The following LHFPL6 variants were observed in gnomAD, a reference collection of about 807,000 sequenced individuals.
LHFPL6 encodes LHFPL tetraspan subfamily member 6, also known as LHFPL tetraspan subfamily member 6 protein.
In LHFPL6, 9 loss-of-function variants were observed where a neutral mutation model predicts 20.6. That is an observed-to-expected ratio of 0.44 (90% CI 0.26 to 0.76). The LOEUF (loss-of-function observed/expected upper bound fraction) is 0.76. Ranked by LOEUF, LHFPL6 falls within the 30% of genes least tolerant of loss-of-function variation. LHFPL6 has a pLI of 0.20. For missense variants in LHFPL6, 218 were observed against 253.5 expected (o/e 0.86, Z 0.95); for synonymous variants, 105 against 98.7 (o/e 1.06, Z -0.38).
chr13:39,494,078 C>T lies in LHFPL6; in HGVS notation c.385+106754G>A, dbSNP rs115199488. The stretch of plus-strand genomic sequence containing the variant: ...ATTACATTTCCATGTCAGTCTCAGG[C>T]CTCATGTAGGGGAATCTGCCAAGGG... On this transcript the variant is annotated intron_variant, in intron 2 of 3. Coordinates refer to ENST00000379589, the MANE Select transcript of LHFPL6 (RefSeq NM_005780.3). Among the ~76,000 whole-genome samples, 576 of 152,290 alleles carry T rather than the reference C, an allele frequency of 3.8e-3. 3 individuals carry two copies. The highest frequency in any genetic ancestry group is 0.013 in the African/African-American group (522 of 41,566).
At chr13:39,410,521 A>G (rs181901473) in intron 2 of LHFPL6, among the ~76,000 whole-genome samples, 31 of 152,312 alleles carry the variant, frequency 2.0e-4, no homozygotes, top group African/African-American at 7.5e-4. Flanking sequence ...TTCAAATATC[A>G]TTTCAGAGAA....
intron 2 of LHFPL6, among the ~76,000 whole-genome samples, chr13:39,410,434 A>C (rs1871219092): frequency 6.6e-6 from 1 of 152,188 alleles, no homozygotes; most frequent in South Asian, 2.1e-4. Context: ...TCCCCATGGA[A>C]CACCACCACT....
chr13:39,575,888 C>T (rs994396999), intron 2 of LHFPL6, among the ~76,000 whole-genome samples: 4 of 152,280 alleles, frequency 2.6e-5, no homozygotes, highest in East Asian at 1.9e-4. Context: ...TGTGCTGACA[C>T]GTCTGATTAG....
chr13:39,362,878 G>A (rs944719181), intron 3 of LHFPL6, among the ~76,000 whole-genome samples: 2 of 152,242 alleles, frequency 1.3e-5, no homozygotes, highest in Non-Finnish European at 2.9e-5. Context: ...GAATAAGTGT[G>A]CAGGACCTGT....
chr13:39,375,390 T>C (rs959772706), intron 3 of LHFPL6, among the ~76,000 whole-genome samples: 4 of 152,116 alleles, frequency 2.6e-5, no homozygotes, highest in African/African-American at 4.8e-5. Context: ...GTAGAAAGCA[T>C]AGAGAGTGAA....
At chr13:39,575,328 G>C (rs1023596854) in intron 2 of LHFPL6, among the ~76,000 whole-genome samples, 3 of 152,090 alleles carry the variant, frequency 2.0e-5, no homozygotes, top group Non-Finnish European at 4.4e-5. Context: ...ACCCTTACTT[G>C]TATTTCAGAC....
intron 3 of LHFPL6, among the ~76,000 whole-genome samples, chr13:39,346,208 G>A (rs979062569): frequency 6.6e-6 from 1 of 152,086 alleles, no homozygotes; most frequent in African/African-American, 2.4e-5. Flanking sequence ...TTATTGGCTT[G>A]TGGTCACCAT....
intron 2 of LHFPL6, among the ~76,000 whole-genome samples, chr13:39,589,428 A>G (rs1872542035): frequency 6.6e-6 from 1 of 152,124 alleles, no homozygotes; most frequent in Non-Finnish European, 1.5e-5. Flanking sequence ...AAAATTTTTT[A>G]AAAACTAGAT....
At chr13:39,446,606 T>G (rs77896227) in intron 2 of LHFPL6, among the ~76,000 whole-genome samples, 2,770 of 152,134 alleles carry the variant, frequency 0.018, 77 homozygotes, top group African/African-American at 0.062. Context: ...AGGATCTCGG[T>G]GATCCTCATA....
intron 2 of LHFPL6, among the ~76,000 whole-genome samples, chr13:39,519,410 T>C (rs1870033864): frequency 6.6e-6 from 1 of 152,160 alleles, no homozygotes; most frequent in Non-Finnish European, 1.5e-5. Context: ...CTTCCTCAAA[T>C]AATGCTGATG....
intron 2 of LHFPL6, among the ~76,000 whole-genome samples, chr13:39,423,735 G>A (rs1871556257): frequency 6.6e-6 from 1 of 152,202 alleles, no homozygotes; most frequent in Non-Finnish European, 1.5e-5. Context: ...AGTCAAGCAT[G>A]AGAAAGGAAA....
At chr13:39,491,787 A>C (rs146559777) in intron 2 of LHFPL6, among the ~76,000 whole-genome samples, 5 of 152,320 alleles carry the variant, frequency 3.3e-5, no homozygotes, top group South Asian at 2.1e-4. Context: ...AGAGAAAGTA[A>C]ATTTTTAATT....
chr13:39,363,058 A>T (rs1323276213), intron 3 of LHFPL6, among the ~76,000 whole-genome samples: 2 of 152,342 alleles, frequency 1.3e-5, no homozygotes, highest in East Asian at 3.9e-4. Flanking sequence ...TCCCACTGAA[A>T]AAAGGGGTTT....
At chr13:39,595,355 C>T (rs1418943565) in intron 2 of LHFPL6, among the ~76,000 whole-genome samples, 1 of 152,130 alleles carries the variant, frequency 6.6e-6, no homozygotes. Flanking sequence ...TGCAGTGGCA[C>T]AATCTCGGCT....
intron 2 of LHFPL6, among the ~76,000 whole-genome samples, chr13:39,470,519 C>A (rs538866485): frequency 1.3e-5 from 2 of 152,010 alleles, no homozygotes; most frequent in Non-Finnish European, 2.9e-5. Context: ...AAGATGATTT[C>A]TTTTATATGA....
At chr13:39,371,517 T>C (rs1331178317) in intron 3 of LHFPL6, among the ~76,000 whole-genome samples, 1 of 152,232 alleles carries the variant, frequency 6.6e-6, no homozygotes, top group Non-Finnish European at 1.5e-5. Flanking sequence ...TGCCAGATGC[T>C]GTGACACTAT....
intron 3 of LHFPL6, 95 bp downstream of exon 3, chr13:39,378,333 T>A (rs1461211248): frequency 2.1e-6 from 2 of 951,608 alleles, no homozygotes; most frequent in Admixed American, 2.0e-5. Flanking sequence ...CCCAGGGAGG[T>A]TTTTCTTATC....
chr13:39,444,728 G>C, intron 2 of LHFPL6, among the ~76,000 whole-genome samples: 1 of 152,188 alleles, frequency 6.6e-6, no homozygotes, highest in Non-Finnish European at 1.5e-5. Flanking sequence ...TGGGGCCATG[G>C]CAGCCTCCAT....
chr13:39,430,162 T>C (rs769134668), intron 2 of LHFPL6, among the ~76,000 whole-genome samples: 9 of 152,304 alleles, frequency 5.9e-5, no homozygotes, highest in Non-Finnish European at 1.2e-4. Context: ...ATGCCTGCCC[T>C]TTAGGACTGA....
Sources: gnomAD v4.1 joint callset for allele counts (sites outside exome capture counted in the v4.1 genomes callset) on GRCh38, gnomAD v4.1.1 for gene constraint, MANE v1.5 for transcripts, NCBI Gene and HGNC (gene_info 2026-07-23, HGNC 2026-07-21) for gene names.